CCDC88B: variants seen among roughly 807,000 people sequenced by gnomAD.
CCDC88B encodes the protein coiled-coil domain-containing protein 88B.
Under a neutral mutation model 183.7 loss-of-function variants are expected in CCDC88B, and 138 were observed. That is an observed-to-expected ratio of 0.75 (90% CI 0.65 to 0.87). The LOEUF (loss-of-function observed/expected upper bound fraction) is 0.87. Ranked by LOEUF, CCDC88B falls within the 40% of genes least tolerant of loss-of-function variation. The pLI, the probability that CCDC88B is intolerant of heterozygous loss-of-function variation, is 0.00. For synonymous variants in CCDC88B, 835 were observed against 867.5 expected, an observed-to-expected ratio of 0.96 and a Z score of 0.66; for missense variants, 1,822 against 1,965.6, an observed-to-expected ratio of 0.93 and a Z score of 1.38.
rs1209336058 is a variant in CCDC88B, at chr11:64,353,484, A to T, written c.3821A>T (p.Gln1274Leu). ...AGTCGGGACCACCTGCACCGCGAAC[A>T]GCGGGAGTACCTGTGAGTGGGCCGC... ...LESRDHLHRE[Q>L]REYLDQLNAL... Residue 1274 changes from glutamine (Q) to leucine (L), a missense_variant, in exon 22 of 27, where the codon CAG (glutamine) becomes CTG (leucine). Physicochemically the swap from Gln to Leu is moderately radical, Grantham distance 113. Transcript: ENST00000356786. 6.2e-7 allele frequency: 1 copy of T among 1,611,706 alleles called. No homozygotes were observed. Among genetic ancestry groups the T allele is most frequent in the South Asian group, 1.1e-5 (1 of 91,010 alleles).
chr11:64,351,513 G>C lies in CCDC88B; in HGVS notation c.2996G>C (p.Gly999Ala). 1 of 1,583,728 alleles carries C rather than the reference G, an allele frequency of 6.3e-7. No homozygotes were observed. Among genetic ancestry groups the C allele is most frequent in the Non-Finnish European group, 8.5e-7 (1 of 1,172,468 alleles). The change falls in exon 18 of 27, where the codon GGG (glycine) becomes GCG (alanine). Residue 999 changes from glycine (G) to alanine (A), a missense_variant. By Grantham distance (60) the Gly-to-Ala change is moderately conservative. Coordinates refer to ENST00000356786, the MANE Select transcript of CCDC88B (RefSeq NM_032251.6). ...GTGGCAGAGAAGGCAGCTTTGCAGGGGCAGCTGCAGCACCTGGAGGGGCAG... is the reference window on the plus strand; with the variant it reads ...GTGGCAGAGAAGGCAGCTTTGCAGGCGCAGCTGCAGCACCTGGAGGGGCAG... The part of the protein sequence containing the change: ...MLVAEKAALQ[G>A]QLQHLEGQLG...
At chr11:64,353,595 C>T in intron 22 of CCDC88B, 99 bp downstream of exon 22, 1 of 1,575,776 alleles carries the variant, frequency 6.3e-7, no homozygotes, top group Non-Finnish European at 8.6e-7. Context: ...TTGGAGCTGA[C>T]CTTCCAGGTC....
chr11:64,349,669 G>C lies in CCDC88B; in HGVS notation c.2862+1G>C. ...GCAGCTGGAAGAGGAGCTGTTCCAG[G>C]TGATGCCTGCCCGCCTGGGAGCTGG... is the stretch of plus-strand genomic sequence containing the variant. On this transcript the variant is annotated splice_donor_variant, in intron 16 of 26. Coordinates refer to ENST00000356786, the MANE Select transcript of CCDC88B (RefSeq NM_032251.6). LOFTEE classifies it high-confidence loss of function. 6.3e-7 allele frequency: 1 copy of C among 1,587,408 alleles called. No homozygotes were observed. Among genetic ancestry groups the C allele is most frequent in the Non-Finnish European group, 8.6e-7 (1 of 1,167,148 alleles).
At chr11:64,350,022 G>T in intron 16 of CCDC88B, 1 of 308,038 alleles carries the variant, frequency 3.2e-6, no homozygotes, top group Non-Finnish European at 6.2e-6. Context: ...TCCACACGGA[G>T]GGTGGGGTGG....
Position 64,344,457 on chromosome 11 carries a change from G to A in CCDC88B, c.1916G>A (p.Trp639Ter), listed in dbSNP as rs759763155. The change falls in exon 14 of 27, where the codon TGG becomes TAG. Residue 639 changes from tryptophan (W) to a stop codon, truncating the protein, a stop_gained. Coordinates refer to ENST00000356786, the MANE Select transcript of CCDC88B (RefSeq NM_032251.6). LOFTEE classifies it high-confidence loss of function. This position sits in a 1 kb window ranked among gnomAD's most constrained non-coding sequence, Gnocchi z 4.5. ...APQGELVPEA[W>*]GLRQEGPEHK... Reference sequence around the variant, plus strand: ...CAAGGCGAGTTGGTGCCTGAGGCCTGGGGGTTGAGACAGGAGGGCCCTGAG... The same window carrying A: ...CAAGGCGAGTTGGTGCCTGAGGCCTAGGGGTTGAGACAGGAGGGCCCTGAG... 8.7e-5 allele frequency: 139 copies of A among 1,593,170 alleles called. No individual in the cohort carries two copies. The highest frequency in any genetic ancestry group is 1.1e-4 in the Non-Finnish European group (129 of 1,170,198).
At position 64,344,308 on chromosome 11, in the gene CCDC88B, G is replaced by A. The variant is rs1275799766; in HGVS notation, c.1767G>A (p.Pro589=). The part of the protein sequence containing the change: ...SGSPVETQES[P]EKAGRRSSLQ... ...CTCCTGTGGAGACACAGGAGTCCCC[G>A]GAGAAGGCTGGCCGTAGATCCTCTC... The change falls in exon 14 of 27, where the codon CCG becomes CCA. Residue 589 remains proline (P), a synonymous_variant. Coordinates refer to ENST00000356786, the MANE Select transcript of CCDC88B (RefSeq NM_032251.6). The surrounding 1 kb of genome is among the most constrained non-coding windows in gnomAD (Gnocchi z 4.5). The A allele has an allele frequency of 1.2e-5, 19 of 1,613,474 alleles. No homozygotes were observed. Among genetic ancestry groups the A allele is most frequent in the African/African-American group, 2.7e-5 (2 of 74,910 alleles).
Position 64,355,640 on chromosome 11 carries a change from A to C in CCDC88B, c.4375+12A>C. 1.2e-6 allele frequency: 2 copies of C among 1,604,952 alleles called. No homozygotes were observed. Among genetic ancestry groups the C allele is most frequent in the South Asian group, 2.2e-5 (2 of 90,146 alleles). ...TGCCAACCGAGAGGGTGAGTGGGGG[A>C]CTGTGGAAGGAGTAGTATTCTTTGT... On this transcript the variant is annotated intron_variant, in intron 26 of 26. Transcript: ENST00000356786.
At chr11:64,347,271 G>T (rs567118301) in intron 14 of CCDC88B, among the ~76,000 whole-genome samples, 2 of 152,322 alleles carry the variant, frequency 1.3e-5, no homozygotes, top group East Asian at 3.9e-4. Flanking sequence ...GGGGGATTGG[G>T]CAGCCACTGA....
In CCDC88B at chr11:64,353,993, C is replaced by G. The variant is rs751231094; in HGVS notation, c.3933-11C>G. On this transcript the variant is annotated splice_polypyrimidine_tract_variant and intron_variant, in intron 23 of 26. Coordinates refer to ENST00000356786, the MANE Select transcript of CCDC88B (RefSeq NM_032251.6). ...CTGTCCTGACCCCCTCTTGTGCCCT[C>G]TTGCCCCCAGGAAGGGCAGCTGGCT... 2 of 1,490,342 alleles carry G rather than the reference C, an allele frequency of 1.3e-6. No homozygotes were observed. Among genetic ancestry groups the G allele is most frequent in the Non-Finnish European group, 1.8e-6 (2 of 1,116,044 alleles). 92.3% of individuals were successfully genotyped at this position (1,490,342 alleles called of 1,614,324 possible). A position where few individuals can be genotyped will look rare whatever the true frequency, so the allele number is the denominator to read the frequency against.
At position 64,355,245 on chromosome 11, in the gene CCDC88B, G is replaced by A. The variant is rs762821932; in HGVS notation, c.4151G>A (p.Arg1384Gln). ...MRRAQSSLCL[R>Q]DETLAGGQRR... The stretch of plus-strand genomic sequence containing the variant: ...CGGGCCCAGAGCTCCCTCTGCCTGC[G>A]GGATGAGACCTTGGCAGGCGGGCAG... Residue 1384 changes from arginine (R) to glutamine (Q), a missense_variant, in exon 25 of 27, where the codon CGG becomes CAG. Transcript: ENST00000356786. 18 of 1,536,378 alleles carry A rather than the reference G, an allele frequency of 1.2e-5. No homozygotes were observed. The highest frequency in any genetic ancestry group is 1.6e-5 in the Non-Finnish European group (18 of 1,145,666).
At chr11:64,352,933 C>T (rs1591297199) in intron 20 of CCDC88B, 46 bp downstream of exon 20, 1 of 1,523,566 alleles carries the variant, frequency 6.6e-7, no homozygotes, top group East Asian at 2.4e-5. Flanking sequence ...TGGCCCCATC[C>T]TGAAAGTGGG....
Position 64,342,564 on chromosome 11 carries a change from C to A in CCDC88B, c.946C>A (p.Arg316Ser), listed in dbSNP as rs879919289. The change falls in exon 10 of 27, where the codon CGC becomes AGC. Residue 316 changes from arginine to serine, a missense_variant. Physicochemically the swap from Arg to Ser is moderately radical, Grantham distance 110. Transcript: ENST00000356786. ...ACAGGCCAAGCGGGCCGAGCTGTAC[C>A]GCGAGGAGGCAGAGGCGCTGCGGGA... ...SGQAKRAELY[R>S]EEAEALRERA... is the part of the protein sequence containing the mutation. 3 of 1,531,716 alleles carry A rather than the reference C, an allele frequency of 2.0e-6. No homozygotes were observed. Among genetic ancestry groups the A allele is most frequent in the Middle Eastern group, 2.3e-4 (1 of 4,388 alleles). 94.9% of individuals were successfully genotyped at this position (1,531,716 alleles called of 1,614,324 possible). A position where few individuals can be genotyped will look rare whatever the true frequency, so the allele number is the denominator to read the frequency against.
rs368462558 is a variant in CCDC88B at position 64,354,044 on chromosome 11, C to T, written c.3973C>T (p.Arg1325Trp). 3.2e-5 allele frequency: 46 copies of T among 1,454,154 alleles called. No individual in the cohort carries two copies. The highest frequency in any genetic ancestry group is 1.9e-4 in the Middle Eastern group (1 of 5,312). The allele number at this position is 1,454,154 out of a possible 1,614,324, so 90.1% of individuals were successfully genotyped here. ...WLADKVKRLMRPRREGGPPGG... is the reference protein window; with the variant it reads ...WLADKVKRLMWPRREGGPPGG... ...GGCAGACAAGGTGAAGAGGCTGATGCGGCCCCGGCGGGAGGGGGGCCCCCC... is the reference window on the plus strand; with the variant it reads ...GGCAGACAAGGTGAAGAGGCTGATGTGGCCCCGGCGGGAGGGGGGCCCCCC... Residue 1325 changes from arginine (R) to tryptophan (W), a missense_variant, in exon 24 of 27, where the codon CGG (arginine) becomes TGG (tryptophan). By Grantham distance (101) the Arg-to-Trp change is moderately radical (BLOSUM62 -3). Transcript: ENST00000356786.
At chr11:64,354,691 GC>G (rs370604268) in intron 24 of CCDC88B, among the ~76,000 whole-genome samples, 4 of 14,336 alleles carry the variant, frequency 2.8e-4, no homozygotes, top group African/African-American at 4.4e-4. Flanking sequence ...ATGAGCCTCC[GC>G]CCCCCCCCTC....
Position 64,344,522 on chromosome 11 carries a change from G to C in CCDC88B, c.1981G>C (p.Glu661Gln). The change falls in exon 14 of 27, where the codon GAG becomes CAG. Residue 661 changes from glutamate (E) to glutamine (Q), a missense_variant. Physicochemically the swap from Glu to Gln is conservative, Grantham distance 29. Coordinates refer to ENST00000356786, the MANE Select transcript of CCDC88B (RefSeq NM_032251.6). The surrounding 1 kb of genome is among the most constrained non-coding windows in gnomAD (Gnocchi z 4.5). ...TTCGGAGCCCAGCTCTGTGCAGCTG[G>C]AGGAGCAGGAGGGCCCAAACCAGGG... ...GPSEPSSVQL[E>Q]EQEGPNQGLD... 3.7e-6 allele frequency: 6 copies of C among 1,605,792 alleles called. No individual in the cohort carries two copies. The highest frequency in any genetic ancestry group is 4.3e-6 in the Non-Finnish European group (5 of 1,176,092).
At position 64,341,676 on chromosome 11, in the gene CCDC88B, GATGC is replaced by G. The variant is rs749216813; in HGVS notation, c.610_613del (p.Met204CysfsTer5). 1 of 1,608,532 alleles carries G rather than the reference GATGC, an allele frequency of 6.2e-7. No individual in the cohort carries two copies. The highest frequency in any genetic ancestry group is 8.5e-7 in the Non-Finnish European group (1 of 1,177,680). On this transcript the variant is annotated frameshift_variant, in exon 7 of 27. Transcript: ENST00000356786. LOFTEE classifies it high-confidence loss of function. ...GGGAGCTGGCACCTGCCGAGCTGGA[GATGC>G]TGTCCCGGAGCCTGATGGGGACACT...
rs904395211 is a variant in CCDC88B, at chr11:64,342,935, C to A, written c.1063-244C>A. The A allele has an allele frequency of 3.7e-5, 8 of 215,090 alleles. No individual in the cohort carries two copies. In the African/African-American group the frequency reaches 5.2e-4, roughly 14 times the overall value. The allele number at this position is 215,090 out of a possible 1,614,324, so 13.3% of individuals were successfully genotyped here. ...GAGGGCTGTTCCCGGGGGGGAGGGG[C>A]GGGGCATGGACAGAAGGGCGGGGCC... is the stretch of plus-strand genomic sequence containing the variant. On this transcript the variant is annotated intron_variant, in intron 10 of 26. Coordinates refer to ENST00000356786, the MANE Select transcript of CCDC88B (RefSeq NM_032251.6).
intron 14 of CCDC88B, among the ~76,000 whole-genome samples, chr11:64,346,101 C>T (rs1310285667): frequency 1.3e-5 from 2 of 152,160 alleles, no homozygotes; most frequent in African/African-American, 4.8e-5. Context: ...TGTGTTGGTC[C>T]TCCCTCCCCA....
Position 64,347,811 on chromosome 11 carries a change from G to A in CCDC88B, c.2617-1520G>A, listed in dbSNP as rs529852740. The stretch of plus-strand genomic sequence containing the variant: ...CACACCTGTAATCCCAGCACTTCGG[G>A]AGGCTGAGGTGGGCGGATGACCGGA... On this transcript the variant is annotated intron_variant, in intron 14 of 26. Transcript: ENST00000356786. Among the ~76,000 whole-genome samples, 9 of 152,302 alleles carry A rather than the reference G, an allele frequency of 5.9e-5. No individual in the cohort carries two copies. In the South Asian group the frequency reaches 1.9e-3, roughly 32 times the overall value.
Sources: gnomAD v4.1 joint callset for allele counts (sites outside exome capture counted in the v4.1 genomes callset) on GRCh38, gnomAD v4.1.1 for gene constraint, Gnocchi (gnomAD v3.1) non-coding constraint, MANE v1.5 for transcripts, NCBI Gene and HGNC (gene_info 2026-07-23, HGNC 2026-07-21) for gene names.